RARB: variants seen among roughly 807,000 people sequenced by gnomAD.
The protein encoded by RARB is retinoic acid receptor beta.
In RARB, 17 loss-of-function variants were observed where a neutral mutation model predicts 51.9. The ratio of observed to expected loss-of-function variants is 0.33; its 90% CI spans 0.22 to 0.49. RARB has a LOEUF of 0.49. Ranked by LOEUF, RARB falls within the 20% of genes least tolerant of loss-of-function variation. The probability of loss-of-function intolerance (pLI) is 0.99; values close to 1 mark genes in which losing one functional copy is unlikely to be tolerated. For synonymous variants in RARB, 215 were observed against 195.4 expected (o/e 1.10, Z -0.84); for missense variants, 369 against 550.8 (o/e 0.67, Z 3.30).
intron 6 of RARB, 56 bp downstream of exon 6, chr3:25,593,763 T>C: frequency 1.3e-6 from 2 of 1,529,976 alleles, no homozygotes; most frequent in Admixed American, 1.8e-5. Flanking sequence ...TTTATACTTG[T>C]AATTTGTGAA....
At chr3:25,461,457 G>A in intron 2 of RARB, 116 bp downstream of exon 2, 1 of 1,203,106 alleles carries the variant, frequency 8.3e-7, no homozygotes, top group Non-Finnish European at 1.2e-6. Flanking sequence ...CATAAGTGTG[G>A]TGAATTCAGT....
At chr3:25,391,550 A>C (rs1706959523) in intron 5 of RARB, among the ~76,000 whole-genome samples, 1 of 152,176 alleles carries the variant, frequency 6.6e-6, no homozygotes, top group East Asian at 1.9e-4. Context: ...CATCCATACC[A>C]GCATCTACTA....
chr3:25,193,797 T>G (rs1701161401), intron 5 of RARB, among the ~76,000 whole-genome samples: 1 of 152,014 alleles, frequency 6.6e-6, no homozygotes, highest in Non-Finnish European at 1.5e-5. Context: ...TGGAGGCAAC[T>G]ATATAAACGT....
intron 5 of RARB, among the ~76,000 whole-genome samples, chr3:25,210,553 T>TTTTTTTTTCTTTTTGA (rs869216441): frequency 1.2e-5 from 1 of 82,498 alleles, no homozygotes; most frequent in Non-Finnish European, 2.4e-5. Flanking sequence ...TTTTTTTTTT[T>TTTTTTTTTCTTTTTGA]GAGATTGAGT....
chr3:25,346,480 T>C (rs746695182), intron 5 of RARB, among the ~76,000 whole-genome samples: 4 of 152,026 alleles, frequency 2.6e-5, no homozygotes, highest in African/African-American at 4.8e-5. Flanking sequence ...AACATTTTTA[T>C]TGAATTTATT....
chr3:25,554,372 A>G (rs529476291), intron 3 of RARB, among the ~76,000 whole-genome samples: 1 of 152,054 alleles, frequency 6.6e-6, no homozygotes, highest in Admixed American at 6.6e-5. Flanking sequence ...AGGTCAGCCA[A>G]CTCTGCAGTC....
intron 5 of RARB, chr3:25,259,138 C>T (rs1382798132): frequency 1.1e-6 from 1 of 906,328 alleles, no homozygotes; most frequent in Non-Finnish European, 1.3e-6. Flanking sequence ...TCAAGAAACA[C>T]TATTTAATAA....
At chr3:25,550,924 C>G (rs1699825294) in intron 3 of RARB, among the ~76,000 whole-genome samples, 1 of 152,104 alleles carries the variant, frequency 6.6e-6, no homozygotes, top group Non-Finnish European at 1.5e-5. Context: ...TGATCTCGTT[C>G]CTTTTTACGA....
intron 5 of RARB, among the ~76,000 whole-genome samples, chr3:25,200,221 T>C (rs1382216956): frequency 6.6e-6 from 1 of 152,172 alleles, no homozygotes; most frequent in Non-Finnish European, 1.5e-5. Flanking sequence ...GTTTCTTGTG[T>C]CTTTTGGCTG....
intron 3 of RARB, among the ~76,000 whole-genome samples, chr3:25,103,955 C>T (rs982187981): frequency 6.6e-6 from 1 of 152,102 alleles, no homozygotes; most frequent in Non-Finnish European, 1.5e-5. Context: ...GAAGCTGAAT[C>T]CAGATTAGGT....
At chr3:25,445,863 A>G (rs997511319) in intron 1 of RARB, among the ~76,000 whole-genome samples, 2 of 152,220 alleles carry the variant, frequency 1.3e-5, no homozygotes, top group African/African-American at 4.8e-5. Context: ...TAAATGGGAC[A>G]TGAAATATTA....
intron 1 of RARB, among the ~76,000 whole-genome samples, chr3:25,439,389 A>G (rs1046596406): frequency 6.6e-6 from 1 of 152,178 alleles, no homozygotes; most frequent in East Asian, 1.9e-4. Context: ...CTCTCATTTC[A>G]GTGACTTCAA....
intron 2 of RARB, among the ~76,000 whole-genome samples, chr3:24,953,575 G>T (rs891232029): frequency 1.3e-5 from 2 of 152,140 alleles, no homozygotes; most frequent in African/African-American, 4.8e-5. Context: ...TACCTGCAAT[G>T]GTTATCGTTG....
intron 3 of RARB, among the ~76,000 whole-genome samples, chr3:25,545,638 A>C (rs956985051): frequency 2.6e-5 from 4 of 152,118 alleles, no homozygotes; most frequent in Non-Finnish European, 2.9e-5. Context: ...GTCAGACAGA[A>C]CACCTCTCTG....
chr3:24,864,955 C>T (rs1229250158), intron 2 of RARB, among the ~76,000 whole-genome samples: 8 of 152,132 alleles, frequency 5.3e-5, no homozygotes, highest in African/African-American at 1.9e-4. Context: ...TGAAAAGACT[C>T]TTGTTCACAA....
At chr3:25,472,198 G>C (rs1302084967) in intron 2 of RARB, among the ~76,000 whole-genome samples, 1 of 152,152 alleles carries the variant, frequency 6.6e-6, no homozygotes, top group African/African-American at 2.4e-5. Flanking sequence ...CTCTTGACTG[G>C]CAGCCTTCTC....
chr3:24,954,982 G>A (rs886824895), intron 2 of RARB, among the ~76,000 whole-genome samples: 9 of 152,124 alleles, frequency 5.9e-5, no homozygotes, highest in Admixed American at 5.2e-4. Flanking sequence ...TGCTGTCCAT[G>A]GACTGCTAAG....
At chr3:24,894,100 G>C (rs1468488189) in intron 2 of RARB, among the ~76,000 whole-genome samples, 1 of 152,084 alleles carries the variant, frequency 6.6e-6, no homozygotes, top group Non-Finnish European at 1.5e-5. Flanking sequence ...CTTTATGTGT[G>C]AATTGTTTTA....
intron 5 of RARB, among the ~76,000 whole-genome samples, chr3:25,309,048 T>A (rs1015684706): frequency 1.3e-5 from 2 of 152,136 alleles, no homozygotes; most frequent in African/African-American, 2.4e-5. Context: ...AACCACTTTG[T>A]TGATCTGTAG....
Sources: gnomAD v4.1 joint callset for allele counts (sites outside exome capture counted in the v4.1 genomes callset) on GRCh38, gnomAD v4.1.1 for gene constraint, MANE v1.5 for transcripts, NCBI Gene and HGNC (gene_info 2026-07-23, HGNC 2026-07-21) for gene names.